The following PLPP7 variants were observed in gnomAD, a reference collection of about 807,000 sequenced individuals.
PLPP7 encodes the protein inactive phospholipid phosphatase 7.
A neutral mutation model predicts 16.9 loss-of-function variants in PLPP7; 11 were observed. The observed-to-expected ratio is 0.65, with a 90% CI of 0.41 to 1.08. The LOEUF is 1.08. Ranked by LOEUF, PLPP7 falls within the 50% of genes least tolerant of loss-of-function variation. The pLI is 0.00. For synonymous variants in PLPP7, 174 were observed against 175.1 expected, an observed-to-expected ratio of 0.99 and a Z score of 0.05; for missense variants, 358 against 397.1, an observed-to-expected ratio of 0.90 and a Z score of 0.84.
intron 1 of PLPP7, chr9:131,292,700 G>C (rs1835693956): frequency 1.6e-6 from 1 of 639,344 alleles, no homozygotes; most frequent in South Asian, 7.0e-5. Context: ...GCTCTAGTAA[G>C]GGGGTGAGCT....
chr9:131,304,371 G>A (rs759154620), intron 1 of PLPP7, among the ~76,000 whole-genome samples: 13 of 152,246 alleles, frequency 8.5e-5, no homozygotes, highest in East Asian at 3.8e-4. Context: ...AGTGGCTCAC[G>A]CCTGGAATCC....
intron 1 of PLPP7, among the ~76,000 whole-genome samples, chr9:131,306,536 CA>C (rs1178642760): frequency 5.6e-4 from 78 of 140,258 alleles, no homozygotes; most frequent in East Asian, 6.1e-4. Context: ...GACTCCATCT[CA>C]AAAAAAAAAA....
chr9:131,306,055 A>G (rs964416590), intron 1 of PLPP7, among the ~76,000 whole-genome samples: 7 of 151,328 alleles, frequency 4.6e-5, no homozygotes, highest in African/African-American at 1.7e-4. Context: ...GGCTAACACG[A>G]TGAAACCCCG....
rs1056632099 is a variant in PLPP7 at position 131,296,144 on chromosome 9, C to T, written c.451+5696C>T. ...GCAATGCCCAAGGGCTCCCATATAT[C>T]CACATCTTCACCAACACTCATTATC... is the stretch of plus-strand genomic sequence containing the variant. On this transcript the variant is annotated intron_variant, in intron 1 of 1. Coordinates refer to ENST00000372264, the MANE Select transcript of PLPP7 (RefSeq NM_032728.4). Among the ~76,000 whole-genome samples, 48 of 152,194 alleles carry T rather than the reference C, an allele frequency of 3.2e-4. 1 individual carries two copies. The highest frequency in any genetic ancestry group is 3.1e-3 in the Admixed American group (48 of 15,276).
chr9:131,298,149 C>A (rs1305237179), intron 1 of PLPP7, among the ~76,000 whole-genome samples: 1 of 152,172 alleles, frequency 6.6e-6, no homozygotes, highest in African/African-American at 2.4e-5. Flanking sequence ...GCCCACATCC[C>A]TAACGATTTC....
chr9:131,297,506 C>T (rs1007104578), intron 1 of PLPP7, among the ~76,000 whole-genome samples: 2 of 151,864 alleles, frequency 1.3e-5, no homozygotes, highest in African/African-American at 4.8e-5. Context: ...CTGCCTCAGC[C>T]TCCTGGGTAG....
intron 1 of PLPP7, among the ~76,000 whole-genome samples, chr9:131,291,928 T>G (rs192045445): frequency 7.2e-5 from 11 of 152,350 alleles, no homozygotes; most frequent in South Asian, 6.2e-4. Flanking sequence ...CAATAACTTA[T>G]GATTTACTCC....
In PLPP7 at chr9:131,290,139, C is replaced by T. The variant is rs1159845330; in HGVS notation, c.142C>T (p.Gln48Ter). ...SGRKASGPSA[Q>*]PPPAGDGARE... ...CAGAAAGGCCTCGGGCCCATCAGCA[C>T]AGCCCCCACCTGCTGGTGACGGGGC... Residue 48 changes from glutamine (Q) to a stop codon, truncating the protein, a stop_gained, in exon 1 of 2, where the codon CAG (glutamine) becomes TAG (stop). Coordinates refer to ENST00000372264, the MANE Select transcript of PLPP7 (RefSeq NM_032728.4). LOFTEE classifies it high-confidence loss of function. The surrounding 1 kb of genome is among the most constrained non-coding windows in gnomAD (Gnocchi z 4.2). 9 of 1,571,604 alleles carry T rather than the reference C, an allele frequency of 5.7e-6. No individual in the cohort carries two copies. The highest frequency in any genetic ancestry group is 7.8e-6 in the Non-Finnish European group (9 of 1,155,322).
chr9:131,308,635 A>G lies in PLPP7; in HGVS notation c.*348A>G. ...AGTCTTGTCTTGTCCTTTCATCATC[A>G]TGACTGTTGAGTTCTTGGCTGTGCC... On this transcript the variant is annotated 3_prime_UTR_variant, in exon 2 of 2. Coordinates refer to ENST00000372264, the MANE Select transcript of PLPP7 (RefSeq NM_032728.4). 6.6e-6 allele frequency: 2 copies of G among 302,588 alleles called. No individual in the cohort carries two copies. Among genetic ancestry groups the G allele is most frequent in the Non-Finnish European group, 1.3e-5 (2 of 158,118 alleles). The allele number at this position is 302,588 out of a possible 1,614,324, so 18.7% of individuals were successfully genotyped here. A position where few individuals can be genotyped will look rare whatever the true frequency, so the allele number is the denominator to read the frequency against.
chr9:131,298,199 G>A (rs1835756254), intron 1 of PLPP7, among the ~76,000 whole-genome samples: 1 of 152,170 alleles, frequency 6.6e-6, no homozygotes, highest in Non-Finnish European at 1.5e-5. Flanking sequence ...CTGAGTCCAA[G>A]GGAGACACGT....
At position 131,308,343 on chromosome 9, in the gene PLPP7, C is replaced by G. The variant is rs1835879868; in HGVS notation, c.*56C>G. 65 of 1,507,740 alleles carry G rather than the reference C, an allele frequency of 4.3e-5. 1 individual carries two copies. In the South Asian group the frequency reaches 7.7e-4, roughly 18 times the overall value. 93.4% of individuals were successfully genotyped at this position (1,507,740 alleles called of 1,614,324 possible). On this transcript the variant is annotated 3_prime_UTR_variant, in exon 2 of 2. Transcript: ENST00000372264. Reference sequence around the variant, plus strand: ...GGCAGGGCTGGCCCTAGAGAAGGGGCAGGGGGTGGCGAGGTGGCGGGCGTG... The same window carrying G: ...GGCAGGGCTGGCCCTAGAGAAGGGGGAGGGGGTGGCGAGGTGGCGGGCGTG...
At chr9:131,307,479 G>C (rs1171625229) in intron 1 of PLPP7, among the ~76,000 whole-genome samples, 1 of 142,248 alleles carries the variant, frequency 7.0e-6, no homozygotes, top group Non-Finnish European at 1.5e-5. Flanking sequence ...TTGAATCCGG[G>C]AGGCGGAGGT....
At chr9:131,293,428 C>T (rs1835703891) in intron 1 of PLPP7, among the ~76,000 whole-genome samples, 1 of 152,208 alleles carries the variant, frequency 6.6e-6, no homozygotes, top group Non-Finnish European at 1.5e-5. Context: ...ACCCCGAGGT[C>T]ACTCTGTGGG....
intron 1 of PLPP7, among the ~76,000 whole-genome samples, chr9:131,299,975 C>T (rs1488973369): frequency 1.3e-5 from 2 of 152,220 alleles, no homozygotes; most frequent in African/African-American, 4.8e-5. Context: ...AGAGAGGGAA[C>T]CAGCCTGAAA....
At position 131,307,951 on chromosome 9, in the gene PLPP7, C is replaced by G; in HGVS notation, c.480C>G (p.Ala160=). 6.3e-7 allele frequency: 1 copy of G among 1,595,232 alleles called. No individual in the cohort carries two copies. Among genetic ancestry groups the G allele is most frequent in the South Asian group, 1.1e-5 (1 of 90,560 alleles). The change falls in exon 2 of 2, where the codon GCC becomes GCG. Residue 160 remains alanine, a synonymous_variant. Coordinates refer to ENST00000372264, the MANE Select transcript of PLPP7 (RefSeq NM_032728.4). ...LALLLDIMTV[A]GVQKLIKRRG... is the part of the protein sequence containing the mutation. ...TGCTCCTGGACATCATGACGGTGGC[C>G]GGCGTGCAGAAGCTCATCAAGCGGC... is the stretch of plus-strand genomic sequence containing the variant.
intron 1 of PLPP7, among the ~76,000 whole-genome samples, chr9:131,301,602 C>T (rs1049095886): frequency 1.3e-5 from 2 of 152,186 alleles, no homozygotes; most frequent in Non-Finnish European, 2.9e-5. Context: ...AAAAAGCCTT[C>T]GCTGGTGTTC....
In PLPP7 at chr9:131,307,977, G is replaced by A. The variant is rs554261381; in HGVS notation, c.506G>A (p.Arg169His). 1.8e-5 allele frequency: 28 copies of A among 1,599,746 alleles called. No individual in the cohort carries two copies. The highest frequency in any genetic ancestry group is 1.7e-4 in the Middle Eastern group (1 of 6,058). The change falls in exon 2 of 2, where the codon CGC becomes CAC. Residue 169 changes from arginine (R) to histidine (H), a missense_variant. Transcript: ENST00000372264. ...VAGVQKLIKRRGPYETSPSLL... is the reference protein window; with the variant it reads ...VAGVQKLIKRHGPYETSPSLL... ...GGCGTGCAGAAGCTCATCAAGCGGC[G>A]CGGCCCGTACGAGACGAGCCCCAGC...
intron 1 of PLPP7, among the ~76,000 whole-genome samples, chr9:131,298,125 G>A (rs79137535): frequency 0.017 from 2,632 of 152,138 alleles, 78 homozygotes; most frequent in African/African-American, 0.06. Flanking sequence ...GAACATCCCG[G>A]GCCATGAATC....
chr9:131,305,706 G>T (rs1482237205), intron 1 of PLPP7, among the ~76,000 whole-genome samples: 2 of 152,126 alleles, frequency 1.3e-5, no homozygotes, highest in African/African-American at 4.8e-5. Context: ...TGTTGCCCAT[G>T]CTGGTCTCAG....
Sources: allele counts gnomAD v4.1 joint callset (sites outside exome capture counted in the v4.1 genomes callset), GRCh38; gene constraint gnomAD v4.1.1; non-coding constraint Gnocchi (gnomAD v3.1); transcripts MANE v1.5; gene names NCBI Gene and HGNC (gene_info 2026-07-23, HGNC 2026-07-21).